The following NCBP3 variants were observed in gnomAD, a reference collection of about 807,000 sequenced individuals.
NCBP3 encodes nuclear cap binding subunit 3.
A neutral mutation model predicts 75.7 loss-of-function variants in NCBP3; 20 were observed. The observed-to-expected ratio is 0.26, with a 90% CI of 0.19 to 0.38. NCBP3 has a LOEUF of 0.38. Among genes scored for constraint, NCBP3 ranks in the 10% least tolerant of loss-of-function variants. The pLI is 1.00. For synonymous variants in NCBP3, 293 were observed against 290.5 expected (o/e 1.01, Z -0.09); for missense variants, 678 against 796.9 (o/e 0.85, Z 1.80).
chr17:3,839,520 G>GT (rs1178511045), intron 3 of NCBP3, among the ~76,000 whole-genome samples: 1 of 152,116 alleles, frequency 6.6e-6, no homozygotes, highest in East Asian at 1.9e-4. Context: ...GCTGATTTTT[G>GT]TAGTTTTAGT....
At chr17:3,819,101 C>T (rs1308813056) in intron 9 of NCBP3, among the ~76,000 whole-genome samples, 2 of 152,094 alleles carry the variant, frequency 1.3e-5, no homozygotes, top group African/African-American at 2.4e-5. Context: ...CCCTGAGTGT[C>T]GTGCCGAAGT....
rs2053455013 is a variant in NCBP3, at chr17:3,813,168, G to A, written c.1739C>T (p.Ala580Val). Reference protein sequence around the residue: ...AEEDDSELQRAWGALIKEKEQ... With the variant: ...AEEDDSELQRVWGALIKEKEQ... ...TTTCTCCTTAATCAGAGCCCCCCAT[G>A]CCCTTTGCAGCTCAGAGTCGTCTTC... Residue 580 changes from alanine to valine, a missense_variant, in exon 13 of 13, where the codon GCA becomes GTA. Ala to Val is a moderately conservative substitution (Grantham distance 64). Around this residue, in one of 7 missense-constraint regions of NCBP3, gnomAD observed 365 missense variants for 392.7 expected, o/e 0.93. Coordinates refer to ENST00000389005, the MANE Select transcript of NCBP3 (RefSeq NM_001114118.3). 6.2e-7 allele frequency: 1 copy of A among 1,614,102 alleles called. No homozygotes were observed. The highest frequency in any genetic ancestry group is 8.5e-7 in the Non-Finnish European group (1 of 1,180,052).
In NCBP3 at chr17:3,831,109, C is replaced by T. The variant is rs571609736; in HGVS notation, c.356-1741G>A. On this transcript the variant is annotated intron_variant, in intron 3 of 12. Coordinates refer to ENST00000389005, the MANE Select transcript of NCBP3 (RefSeq NM_001114118.3). Reference sequence around the variant, plus strand: ...TATTTTTAGTAGAGACGACGTTTCTCCATGGTGGTCAGGCTGGTCTCGAAC... The same window carrying T: ...TATTTTTAGTAGAGACGACGTTTCTTCATGGTGGTCAGGCTGGTCTCGAAC... 2.7e-5 allele frequency among the ~76,000 whole-genome samples: 4 copies of T among 150,924 alleles called. No homozygotes were observed. In the South Asian group the frequency reaches 6.3e-4, roughly 24 times the overall value.
chr17:3,820,983 A>C (rs2053651808), intron 9 of NCBP3, among the ~76,000 whole-genome samples: 1 of 152,076 alleles, frequency 6.6e-6, no homozygotes. Flanking sequence ...TAGTAGAAAA[A>C]TTAGGATCCT....
rs940872620 is a variant in NCBP3, at chr17:3,828,394, C to A, written c.481+849G>T. On this transcript the variant is annotated intron_variant, in intron 4 of 12. Coordinates refer to ENST00000389005, the MANE Select transcript of NCBP3 (RefSeq NM_001114118.3). ...CAGCCCTTTACAGAAAAAGGTCTGCCAATTCCCGATTTGGATAGTGTAAGT... is the reference window on the plus strand; with the variant it reads ...CAGCCCTTTACAGAAAAAGGTCTGCAAATTCCCGATTTGGATAGTGTAAGT... Among the ~76,000 whole-genome samples the A allele has an allele frequency of 7.9e-5, 12 of 152,180 alleles. No individual in the cohort carries two copies. In the East Asian group the frequency reaches 2.3e-3, roughly 29 times the overall value.
At position 3,809,960 on chromosome 17, in the gene NCBP3, CCA is replaced by C. The variant is rs2053384468; in HGVS notation, c.*3082_*3083del. On this transcript the variant is annotated 3_prime_UTR_variant, in exon 13 of 13. Transcript: ENST00000389005. ...TATGAACTATCCAGAACAGGCAAAT[CCA>C]CAGAGAGAGAAGGAAGATCAGTGGT... The C allele has an allele frequency of 6.6e-6, 1 of 151,990 alleles. No individual in the cohort carries two copies. The highest frequency in any genetic ancestry group is 2.4e-5 in the African/African-American group (1 of 41,358). 9.4% of individuals were successfully genotyped at this position (151,990 alleles called of 1,614,324 possible).
intron 3 of NCBP3, among the ~76,000 whole-genome samples, chr17:3,838,598 A>G (rs540000319): frequency 2.6e-5 from 4 of 152,328 alleles, no homozygotes; most frequent in South Asian, 2.1e-4. Flanking sequence ...GAGGGACGCA[A>G]TATCAGTCGA....
At chr17:3,843,779 C>T (rs1056988816) in intron 1 of NCBP3, among the ~76,000 whole-genome samples, 23 of 152,120 alleles carry the variant, frequency 1.5e-4, no homozygotes, top group African/African-American at 3.6e-4. Flanking sequence ...CTCCTGACCT[C>T]GGTGATCCGT....
chr17:3,832,132 C>G (rs1176983879), intron 3 of NCBP3, among the ~76,000 whole-genome samples: 1 of 104,712 alleles, frequency 9.6e-6, no homozygotes, highest in African/African-American at 2.8e-5. Context: ...TGCAGTAAGC[C>G]GAGATTGTGC....
At chr17:3,838,534 C>A (rs2054014396) in intron 3 of NCBP3, among the ~76,000 whole-genome samples, 1 of 152,218 alleles carries the variant, frequency 6.6e-6, no homozygotes, top group African/African-American at 2.4e-5. Flanking sequence ...AGTGAAGCAG[C>A]TTCCAGAGTT....
In NCBP3 at chr17:3,843,289, A is replaced by AGGCC. The variant is rs202150446; in HGVS notation, c.184-142_184-139dup. The stretch of plus-strand genomic sequence containing the variant: ...GTGACAGTGTCTTGCTCTGTTGCCC[A>AGGCC]GGCCGGAGTGCAGTAGAATGATCAC... On this transcript the variant is annotated intron_variant, in intron 1 of 12. Coordinates refer to ENST00000389005, the MANE Select transcript of NCBP3 (RefSeq NM_001114118.3). The AGGCC allele has an allele frequency of 5.6e-3, 3,740 of 667,798 alleles. 133 individuals are homozygous for AGGCC. In the African/African-American group the frequency reaches 0.067, roughly 12 times the overall value. The allele number at this position is 667,798 out of a possible 1,614,324, so 41.4% of individuals were successfully genotyped here. A position where few individuals can be genotyped will look rare whatever the true frequency, so the allele number is the denominator to read the frequency against.
intron 8 of NCBP3, 67 bp from the exon 9 acceptor site, chr17:3,821,419 C>A: frequency 1.6e-6 from 2 of 1,280,774 alleles, no homozygotes; most frequent in Non-Finnish European, 2.2e-6. Context: ...TCCACTATTT[C>A]TTTCTCTTTT....
At chr17:3,826,891 T>C (rs2053797435) in intron 4 of NCBP3, among the ~76,000 whole-genome samples, 1 of 151,908 alleles carries the variant, frequency 6.6e-6, no homozygotes, top group South Asian at 2.1e-4. Context: ...CGGGCGCCTG[T>C]GGTCCCAGCT....
Position 3,826,115 on chromosome 17 carries a change from C to T in NCBP3, c.582G>A (p.Glu194=). The change falls in exon 5 of 13, where the codon GAG becomes GAA. Residue 194 remains glutamate (E), a synonymous_variant. Transcript: ENST00000389005. ...TTTTCCTTTTCTCAGCTGACTTGTC[C>T]TCACTGGCATCCCTGCTTCTGATCT... The part of the protein sequence containing the change: ...QDKIRSRDAS[E]DKSAEKRKKD... 1 of 1,551,550 alleles carries T rather than the reference C, an allele frequency of 6.4e-7. No homozygotes were observed. Among genetic ancestry groups the T allele is most frequent in the Non-Finnish European group, 8.7e-7 (1 of 1,146,944 alleles).
chr17:3,825,190 A>G, intron 6 of NCBP3, 140 bp from the exon 7 acceptor site: 1 of 529,872 alleles, frequency 1.9e-6, no homozygotes, highest in Non-Finnish European at 3.3e-6. Flanking sequence ...AGAATTTCTA[A>G]CTCAGAGATT....
At chr17:3,819,830 G>C (rs1424977909) in intron 9 of NCBP3, among the ~76,000 whole-genome samples, 1 of 152,106 alleles carries the variant, frequency 6.6e-6, no homozygotes, top group African/African-American at 2.4e-5. Context: ...ATCATACAGG[G>C]TACTAGAAAT....
Position 3,843,066 on chromosome 17 carries a change from T to C in NCBP3, c.249+20A>G, listed in dbSNP as rs1410998538. The C allele has an allele frequency of 6.5e-7, 1 of 1,539,018 alleles. No individual in the cohort carries two copies. The highest frequency in any genetic ancestry group is 1.2e-5 in the South Asian group (1 of 83,776). ...TCACTTGCTTATCAAGCTGAATAAA[T>C]AAATCATAGCCTGTCTTACCTTGGA... On this transcript the variant is annotated intron_variant, in intron 2 of 12. Transcript: ENST00000389005.
intron 3 of NCBP3, among the ~76,000 whole-genome samples, chr17:3,834,079 T>C (rs2053933584): frequency 6.6e-6 from 1 of 152,140 alleles, no homozygotes; most frequent in Non-Finnish European, 1.5e-5. Flanking sequence ...TGCCGGTCAC[T>C]AATAAGGATT....
chr17:3,813,746 TTTTG>T (rs1399409771), intron 12 of NCBP3, among the ~76,000 whole-genome samples: 2 of 152,092 alleles, frequency 1.3e-5, no homozygotes, highest in African/African-American at 4.8e-5. Flanking sequence ...TCAAAGTTGT[TTTTG>T]TTTTTGTTTT....
Sources: allele counts gnomAD v4.1 joint callset (sites outside exome capture counted in the v4.1 genomes callset), GRCh38; gene constraint gnomAD v4.1.1; regional missense constraint gnomAD v4.1.1; transcripts MANE v1.5; gene names NCBI Gene and HGNC (gene_info 2026-07-23, HGNC 2026-07-21).